DENND1A: variants seen among roughly 807,000 people sequenced by gnomAD.
DENND1A encodes the protein DENN domain-containing protein 1A.
In DENND1A, 51 loss-of-function variants were observed where a neutral mutation model predicts 113.7. The ratio of observed to expected loss-of-function variants is 0.45; its 90% confidence interval spans 0.36 to 0.57. The LOEUF is 0.57. Among genes scored for constraint, DENND1A ranks in the 20% least tolerant of loss-of-function variants. DENND1A has a pLI of 0.00. For missense variants in DENND1A, 1,258 were observed against 1,395.9 expected (o/e 0.90, Z 1.57); for synonymous variants, 565 against 570.8 (o/e 0.99, Z 0.14).
In DENND1A at chr9:123,387,667, C is replaced by T. The variant is rs75839283; in HGVS notation, c.1760+63G>A. On this transcript the variant is annotated intron_variant, in intron 22 of 23. Coordinates refer to ENST00000394215, the MANE Select transcript of DENND1A (RefSeq NM_001352964.2). ...GCAAGCAGCACCAGCCCCCCGCTTT[C>T]GCCATGCAGCCCCGCAGAGTCACCA... The T allele has an allele frequency of 1.5e-3, 1,863 of 1,273,042 alleles. 17 individuals are homozygous for T. In the African/African-American group the frequency reaches 0.024, roughly 17 times the overall value. 78.9% of individuals were successfully genotyped at this position (1,273,042 alleles called of 1,614,324 possible).
chr9:123,500,966 ATTT>A (rs1262087952), intron 13 of DENND1A, among the ~76,000 whole-genome samples: 2 of 152,218 alleles, frequency 1.3e-5, no homozygotes. Context: ...ACTGCCGATT[ATTT>A]TTAAGTGTAC....
chr9:123,651,111 T>C (rs982380007), intron 9 of DENND1A, among the ~76,000 whole-genome samples: 1 of 151,816 alleles, frequency 6.6e-6, no homozygotes, highest in Non-Finnish European at 1.5e-5. Flanking sequence ...TGTGAACTCA[T>C]ACTTAGCAAG....
rs112849412 is a variant in DENND1A at position 123,870,151 on chromosome 9, T to C, written c.88+8800A>G. Among the ~76,000 whole-genome samples the C allele has an allele frequency of 8.2e-3, 1,253 of 152,280 alleles. 21 individuals are homozygous for C. Among genetic ancestry groups the C allele is most frequent in the African/African-American group, 0.029 (1,194 of 41,558 alleles). On this transcript the variant is annotated intron_variant, in intron 2 of 23. Coordinates refer to ENST00000394215, the MANE Select transcript of DENND1A (RefSeq NM_001352964.2). ...AACAGACAAATATAAGAATCCCTTG[T>C]ATAGTTCATGAATAAAACCACATAT...
At chr9:123,451,444 C>G (rs2047711803) in intron 17 of DENND1A, among the ~76,000 whole-genome samples, 2 of 152,328 alleles carry the variant, frequency 1.3e-5, no homozygotes, top group East Asian at 1.9e-4. Flanking sequence ...GCACCGGGAA[C>G]AGATGTGCTC....
chr9:123,475,131 G>A (rs542299665), intron 13 of DENND1A, among the ~76,000 whole-genome samples: 4 of 152,218 alleles, frequency 2.6e-5, no homozygotes, highest in African/African-American at 9.6e-5. Context: ...TGGTTCTCCT[G>A]CCTCAGTCTC....
At chr9:123,913,541 A>C (rs1298595914) in intron 1 of DENND1A, among the ~76,000 whole-genome samples, 1 of 152,160 alleles carries the variant, frequency 6.6e-6, no homozygotes, top group African/African-American at 2.4e-5. Flanking sequence ...AAAAGCAAAT[A>C]ATGCAAGAGG....
At chr9:123,464,074 A>G (rs1356908206) in intron 13 of DENND1A, among the ~76,000 whole-genome samples, 1 of 152,134 alleles carries the variant, frequency 6.6e-6, no homozygotes, top group Non-Finnish European at 1.5e-5. Flanking sequence ...CCCATAACTT[A>G]AAAACAATAA....
intron 3 of DENND1A, among the ~76,000 whole-genome samples, chr9:123,777,207 G>C (rs375376293): frequency 6.6e-6 from 1 of 152,134 alleles, no homozygotes; most frequent in African/African-American, 2.4e-5. Flanking sequence ...CCTCTTTCAG[G>C]GGGGAAAAAG....
At chr9:123,807,546 C>T (rs191337127) in intron 2 of DENND1A, among the ~76,000 whole-genome samples, 5 of 152,344 alleles carry the variant, frequency 3.3e-5, no homozygotes, top group Non-Finnish European at 2.9e-5. Context: ...ATGACCAGAA[C>T]CCATGTCTCC....
intron 22 of DENND1A, among the ~76,000 whole-genome samples, chr9:123,386,290 G>GA (rs1335200699): frequency 2.0e-5 from 3 of 150,676 alleles, no homozygotes; most frequent in Admixed American, 6.6e-5. Context: ...AAAATCTTTT[G>GA]AAAAAAAATC....
intron 13 of DENND1A, among the ~76,000 whole-genome samples, chr9:123,544,259 A>G (rs1002594602): frequency 2.6e-5 from 4 of 152,260 alleles, no homozygotes; most frequent in African/African-American, 9.6e-5. Context: ...TCCAATTATC[A>G]CTACAAATAT....
chr9:123,897,123 T>C (rs1177346575), intron 1 of DENND1A, among the ~76,000 whole-genome samples: 2 of 152,204 alleles, frequency 1.3e-5, no homozygotes, highest in African/African-American at 4.8e-5. Context: ...ACCCTGTCTC[T>C]CCACAACGAG....
At chr9:123,919,647 G>A (rs536158331) in intron 1 of DENND1A, among the ~76,000 whole-genome samples, 1 of 151,198 alleles carries the variant, frequency 6.6e-6, no homozygotes, top group African/African-American at 2.4e-5. Context: ...TTTGGGAGGT[G>A]GAGGCAGGCA....
chr9:123,387,937 G>T, intron 21 of DENND1A, 79 bp from the exon 22 acceptor site: 1 of 1,249,080 alleles, frequency 8.0e-7, no homozygotes, highest in Non-Finnish European at 1.0e-6. Context: ...GCGGGAAGCA[G>T]GCCTCTGGGC....
intron 11 of DENND1A, among the ~76,000 whole-genome samples, chr9:123,584,826 C>A (rs78753192): frequency 2.1e-4 from 32 of 152,252 alleles, no homozygotes; most frequent in Middle Eastern, 6.8e-3. Flanking sequence ...CAGCCCTTGT[C>A]ACTCTGAGCC....
intron 5 of DENND1A, among the ~76,000 whole-genome samples, chr9:123,716,569 T>TG (rs1478768821): frequency 6.6e-6 from 1 of 151,866 alleles, no homozygotes. Flanking sequence ...GAAACCTACA[T>TG]GACAAGACAT....
At chr9:123,522,663 T>A (rs1016234161) in intron 13 of DENND1A, among the ~76,000 whole-genome samples, 41 of 152,248 alleles carry the variant, frequency 2.7e-4, no homozygotes, top group Admixed American at 2.0e-4. Context: ...TATTTTCTTC[T>A]TCTTCTTGGT....
At chr9:123,894,495 G>A (rs998843498) in intron 1 of DENND1A, among the ~76,000 whole-genome samples, 1 of 152,198 alleles carries the variant, frequency 6.6e-6, no homozygotes, top group Non-Finnish European at 1.5e-5. Context: ...ATGACTGGCT[G>A]CCACGAATTG....
chr9:123,489,673 CT>C (rs1334038242), intron 13 of DENND1A, among the ~76,000 whole-genome samples: 1 of 152,198 alleles, frequency 6.6e-6, no homozygotes, highest in Non-Finnish European at 1.5e-5. Flanking sequence ...GGGCAAGTTT[CT>C]TTTATTAATA....
Sources: allele counts gnomAD v4.1 joint callset (sites outside exome capture counted in the v4.1 genomes callset), GRCh38; gene constraint gnomAD v4.1.1; transcripts MANE v1.5; gene names NCBI Gene and HGNC (gene_info 2026-07-23, HGNC 2026-07-21).